SEMA4D: variants seen among roughly 807,000 people sequenced by gnomAD.
The protein encoded by SEMA4D is semaphorin 4D.
SEMA4D carries 22 observed loss-of-function variants against 74.8 expected under a neutral mutation model. That is an observed-to-expected ratio of 0.29 (90% CI 0.21 to 0.42). SEMA4D has a LOEUF of 0.42. Among genes scored for constraint, SEMA4D ranks in the 10% least tolerant of loss-of-function variants. The pLI, the probability that SEMA4D is intolerant of heterozygous loss-of-function variation, is 1.00. For missense variants in SEMA4D, 937 were observed against 1,118.4 expected (o/e 0.84, Z 2.31); for synonymous variants, 445 against 463.7 (o/e 0.96, Z 0.52).
chr9:89,385,866 G>GGGGGGGGGGGGGCCCCCCC, intron 13 of SEMA4D: 3 of 196,226 alleles, frequency 1.5e-5, no homozygotes, highest in Non-Finnish European at 2.7e-5. Flanking sequence ...CAGCGTGGAT[G>GGGGGGGGGGGGGCCCCCCC]CCCGCCCACC....
At chr9:89,362,251 C>T in exon 19 of SEMA4D, 1 of 1,335,314 alleles carries the variant, frequency 7.5e-7, no homozygotes, top group Non-Finnish European at 1.1e-6. Context: ...CTCTGCCCAT[C>T]AGGTGGTGGC....
At chr9:89,370,996 G>C (rs1006674272) in intron 16 of SEMA4D, among the ~76,000 whole-genome samples, 1 of 102,618 alleles carries the variant, frequency 9.7e-6, no homozygotes, top group Non-Finnish European at 1.9e-5. Context: ...TGTGTCAGGG[G>C]TATGTCGGGG....
chr9:89,377,048 G>A (rs773163291), downstream of SEMA4D: 22 of 1,533,738 alleles, frequency 1.4e-5, no homozygotes, highest in East Asian at 2.5e-5. Context: ...CTTAGGAGAC[G>A]AGGCTGTGAG....
rs1006142931 is a variant in SEMA4D at position 89,450,341 on chromosome 9, T to C, written c.-244+5547A>G. On this transcript the variant is annotated intron_variant, in intron 2 of 15. Coordinates refer to ENST00000422704, the MANE Select transcript of SEMA4D (RefSeq NM_001371194.2). The stretch of plus-strand genomic sequence containing the variant: ...AACAGTATGGACTGAAAATGAAAAC[T>C]TGACATGCCTTCTTCAGTGACATGA... 8.5e-5 allele frequency: 80 copies of C among 939,382 alleles called. No homozygotes were observed. In the South Asian group the frequency reaches 9.8e-4, roughly 11 times the overall value. 58.2% of individuals were successfully genotyped at this position (939,382 alleles called of 1,614,324 possible).
chr9:89,485,804 A>AG, intron 1 of SEMA4D, among the ~76,000 whole-genome samples: 1 of 112,940 alleles, frequency 8.9e-6, no homozygotes, highest in African/African-American at 3.2e-5. Flanking sequence ...AAAAAAAAAA[A>AG]AAAAAAAAAA....
chr9:89,430,688 T>A (rs1454718086), intron 2 of SEMA4D, among the ~76,000 whole-genome samples: 1 of 152,200 alleles, frequency 6.6e-6, no homozygotes, highest in East Asian at 1.9e-4. Context: ...ATATGCACCA[T>A]CAGATGGGCC....
At chr9:89,450,670 A>C in intron 2 of SEMA4D, 1 of 509,682 alleles carries the variant, frequency 2.0e-6, no homozygotes. Flanking sequence ...GAAAAAAAAA[A>C]AAAAAAAAAA....
At chr9:89,477,423 G>C (rs1862049928) in intron 1 of SEMA4D, among the ~76,000 whole-genome samples, 1 of 152,142 alleles carries the variant, frequency 6.6e-6, no homozygotes, top group South Asian at 2.1e-4. Context: ...GCCTTGACAA[G>C]AGTAATGTAC....
intron 1 of SEMA4D, among the ~76,000 whole-genome samples, chr9:89,486,017 C>A (rs547506647): frequency 6.6e-6 from 1 of 152,238 alleles, no homozygotes; most frequent in African/African-American, 2.4e-5. Context: ...GTGGTCAGAA[C>A]TCCATGAGAC....
intron 1 of SEMA4D, among the ~76,000 whole-genome samples, chr9:89,496,692 A>G (rs1826041130): frequency 6.6e-6 from 1 of 152,234 alleles, no homozygotes. Context: ...CATCTCTACC[A>G]GAATCCTGCC....
intron 1 of SEMA4D, among the ~76,000 whole-genome samples, chr9:89,483,777 T>C (rs1487109567): frequency 6.7e-6 from 1 of 148,178 alleles, no homozygotes; most frequent in South Asian, 2.1e-4. Flanking sequence ...ATAAAATGCA[T>C]GTGGGTCACT....
At chr9:89,439,436 C>A (rs1248775497) in intron 2 of SEMA4D, among the ~76,000 whole-genome samples, 2 of 152,066 alleles carry the variant, frequency 1.3e-5, no homozygotes. Context: ...CCACTCTGGC[C>A]TGTAAACTGT....
chr9:89,444,894 A>G (rs1023856703), intron 2 of SEMA4D, among the ~76,000 whole-genome samples: 6 of 152,236 alleles, frequency 3.9e-5, no homozygotes, highest in Non-Finnish European at 4.4e-5. Flanking sequence ...AAGAAGATCA[A>G]TATCTATAAC....
At chr9:89,487,693 G>GA (rs1380443681) in intron 1 of SEMA4D, among the ~76,000 whole-genome samples, 2 of 152,056 alleles carry the variant, frequency 1.3e-5, no homozygotes, top group Non-Finnish European at 2.9e-5. Context: ...ACAAAAAATA[G>GA]AAAAAATCAA....
intron 1 of SEMA4D, among the ~76,000 whole-genome samples, chr9:89,477,974 C>T (rs772891494): frequency 1.3e-5 from 2 of 152,168 alleles, no homozygotes; most frequent in African/African-American, 2.4e-5. Context: ...AGTTATTTTA[C>T]GAAGCAGAGA....
At position 89,393,424 on chromosome 9, in the gene SEMA4D, T is replaced by G. The variant is rs558362208; in HGVS notation, c.508+138A>C. The G allele has an allele frequency of 1.6e-4, 111 of 680,922 alleles. No homozygotes were observed. The African/African-American group carries it at 1.8e-3, about 11-fold the overall frequency. The allele number at this position is 680,922 out of a possible 1,614,324, so 42.2% of individuals were successfully genotyped here. ...AAGTTAAAGGGTCTATGCAGTCACATGTGCCTTTTGTAAGGATAGCTCCTA... is the reference window on the plus strand; with the variant it reads ...AAGTTAAAGGGTCTATGCAGTCACAGGTGCCTTTTGTAAGGATAGCTCCTA... On this transcript the variant is annotated intron_variant, in intron 7 of 15. Coordinates refer to ENST00000422704, the MANE Select transcript of SEMA4D (RefSeq NM_001371194.2).
At chr9:89,431,281 C>G (rs756373902) in intron 2 of SEMA4D, among the ~76,000 whole-genome samples, 1 of 152,174 alleles carries the variant, frequency 6.6e-6, no homozygotes, top group Non-Finnish European at 1.5e-5. Context: ...TGCGGGTGAG[C>G]CACCCGGGGC....
chr9:89,379,391 C>T lies in SEMA4D; in HGVS notation c.1902G>A (p.Thr634=), dbSNP rs748015780. Residue 634 remains threonine, a synonymous_variant, in exon 16 of 16, where the codon ACG becomes ACA. Transcript: ENST00000422704. The part of the protein sequence containing the change: ...CLSEERVKNK[T]VFQVVAKHVL... Reference sequence around the variant, plus strand: ...CGTGCTTGGCGACCACTTGGAAGACCGTTTTGTTCTTAACCCTCTCCTCTG... The same window carrying T: ...CGTGCTTGGCGACCACTTGGAAGACTGTTTTGTTCTTAACCCTCTCCTCTG... 122 of 1,614,180 alleles carry T rather than the reference C, an allele frequency of 7.6e-5. No homozygotes were observed. The highest frequency in any genetic ancestry group is 9.8e-5 in the Non-Finnish European group (116 of 1,180,040).
At chr9:89,387,630 T>A (rs751584596) in intron 11 of SEMA4D, 22 bp from the exon 12 acceptor site, 1 of 1,606,286 alleles carries the variant, frequency 6.2e-7, no homozygotes, top group Non-Finnish European at 8.5e-7. Context: ...AAATCCCCGC[T>A]GTTAACGTGC....
Sources: allele counts gnomAD v4.1 joint callset (sites outside exome capture counted in the v4.1 genomes callset), GRCh38; gene constraint gnomAD v4.1.1; transcripts MANE v1.5; gene names NCBI Gene and HGNC (gene_info 2026-07-23, HGNC 2026-07-21).